ADAMTSL3: variants seen among roughly 807,000 people sequenced by gnomAD.
The protein encoded by ADAMTSL3 is ADAMTS like 3.
In ADAMTSL3, 128 loss-of-function variants were observed where a neutral mutation model predicts 201.7. That is an observed-to-expected ratio of 0.63 (90% CI 0.55 to 0.73). The LOEUF (loss-of-function observed/expected upper bound fraction) is 0.73, where lower values mean the gene tolerates loss of function less well. ADAMTSL3 is among the 30% of genes least tolerant of loss of function. The pLI, the probability that ADAMTSL3 is intolerant of heterozygous loss-of-function variation, is 0.00. For missense variants in ADAMTSL3, 1,990 were observed against 2,119.6 expected (o/e 0.94, Z 1.20); for synonymous variants, 738 against 748.4 (o/e 0.99, Z 0.23).
chr15:83,775,370 C>T (rs571925470), intron 4 of ADAMTSL3, among the ~76,000 whole-genome samples: 16 of 150,610 alleles, frequency 1.1e-4, no homozygotes, highest in Admixed American at 3.3e-4. Flanking sequence ...TACGTACTTG[C>T]GTTTGTTAAA....
intron 3 of ADAMTSL3, among the ~76,000 whole-genome samples, chr15:83,744,362 CTG>C (rs1463026734): frequency 3.9e-5 from 6 of 152,114 alleles, no homozygotes; most frequent in Non-Finnish European, 7.4e-5. Flanking sequence ...CATTCTCACT[CTG>C]TGTAAAGTAG....
chr15:83,804,679 A>G lies in ADAMTSL3; in HGVS notation c.347A>G (p.Lys116Arg). ...RNCEGQNIRY[K>R]TCSNHDCPPD... ...TGTGAAGGGCAGAACATTCGGTACA[A>G]GACATGCAGCAATCATGTAAGTCAT... The change falls in exon 5 of 30, where the codon AAG (lysine) becomes AGG (arginine). Residue 116 changes from lysine to arginine, a missense_variant. By Grantham distance (26) the Lys-to-Arg change is conservative (BLOSUM62 2). Coordinates refer to ENST00000286744, the MANE Select transcript of ADAMTSL3 (RefSeq NM_207517.3). 1 of 1,584,658 alleles carries G rather than the reference A, an allele frequency of 6.3e-7. No homozygotes were observed. Among genetic ancestry groups the G allele is most frequent in the Non-Finnish European group, 8.6e-7 (1 of 1,167,754 alleles).
chr15:83,852,789 C>T (rs144152319), intron 7 of ADAMTSL3, among the ~76,000 whole-genome samples: 296 of 152,156 alleles, frequency 1.9e-3, no homozygotes, highest in Admixed American at 3.9e-3. Context: ...TATTTTCCTT[C>T]GATTTTCTCA....
chr15:83,992,114 G>A (rs1490582370), intron 23 of ADAMTSL3, among the ~76,000 whole-genome samples: 1 of 152,178 alleles, frequency 6.6e-6, no homozygotes, highest in African/African-American at 2.4e-5. Flanking sequence ...CCTAAGATGA[G>A]TCTTGCCTAG....
intron 15 of ADAMTSL3, among the ~76,000 whole-genome samples, chr15:83,911,631 A>G (rs78036855): frequency 0.016 from 2,408 of 152,316 alleles, 61 homozygotes; most frequent in African/African-American, 0.051. Context: ...TTTCAACACA[A>G]TGAACAACAT....
At chr15:83,843,480 A>G (rs952669760) in intron 7 of ADAMTSL3, among the ~76,000 whole-genome samples, 3 of 152,152 alleles carry the variant, frequency 2.0e-5, no homozygotes, top group Non-Finnish European at 2.9e-5. Context: ...CATGTTTGTT[A>G]CAGCTCTGAA....
chr15:83,958,145 A>C (rs1182448808), intron 19 of ADAMTSL3, among the ~76,000 whole-genome samples: 2 of 152,358 alleles, frequency 1.3e-5, no homozygotes, highest in Admixed American at 1.3e-4. Context: ...AGACAGGGCC[A>C]AGAGTTGTGG....
intron 3 of ADAMTSL3, among the ~76,000 whole-genome samples, chr15:83,764,497 G>A (rs890964300): frequency 2.6e-5 from 4 of 152,110 alleles, no homozygotes; most frequent in Non-Finnish European, 5.9e-5. Context: ...ACTGCAGGGC[G>A]ACTGGAGAGA....
At chr15:83,916,704 G>A (rs963912581) in intron 16 of ADAMTSL3, among the ~76,000 whole-genome samples, 1 of 152,078 alleles carries the variant, frequency 6.6e-6, no homozygotes, top group Non-Finnish European at 1.5e-5. Flanking sequence ...CCAGACCTTT[G>A]GGAGGCTGAG....
At chr15:83,792,133 T>A (rs1217875703) in intron 4 of ADAMTSL3, among the ~76,000 whole-genome samples, 1 of 152,154 alleles carries the variant, frequency 6.6e-6, no homozygotes, top group Non-Finnish European at 1.5e-5. Flanking sequence ...GCCATGGGGT[T>A]AATATCCAAA....
At chr15:84,007,808 T>TA (rs1206188237) in intron 23 of ADAMTSL3, among the ~76,000 whole-genome samples, 4 of 151,942 alleles carry the variant, frequency 2.6e-5, no homozygotes, top group African/African-American at 9.7e-5. Context: ...AATCAGAGAG[T>TA]AAAAGGAAGG....
chr15:83,762,729 A>G (rs2062827405), intron 3 of ADAMTSL3, among the ~76,000 whole-genome samples: 1 of 152,200 alleles, frequency 6.6e-6, no homozygotes, highest in Admixed American at 6.5e-5. Context: ...ATAAATTTCC[A>G]GGGACACATT....
chr15:83,682,480 T>C (rs2061488701), intron 2 of ADAMTSL3, among the ~76,000 whole-genome samples: 1 of 152,224 alleles, frequency 6.6e-6, no homozygotes, highest in South Asian at 2.1e-4. Flanking sequence ...CTATTCCATG[T>C]CTTTTTATCC....
Position 83,805,556 on chromosome 15 carries a change from CA to C in ADAMTSL3, c.363+874del, listed in dbSNP as rs779366103. Among the ~76,000 whole-genome samples the C allele has an allele frequency of 1.0e-3, 124 of 124,024 alleles. 1 individual carries two copies. Among genetic ancestry groups the C allele is most frequent in the Admixed American group, 1.1e-3 (14 of 12,452 alleles). The allele number at this position is 124,024 out of a possible 152,430, so 81.4% of individuals were successfully genotyped here. On this transcript the variant is annotated intron_variant, in intron 5 of 29. Transcript: ENST00000286744. ...TGGGCAACAGAGTGAGACTCTGTCT[CA>C]AAAAAAAAAAAATAAATAAATAAAT...
intron 2 of ADAMTSL3, among the ~76,000 whole-genome samples, chr15:83,667,823 A>G (rs529901413): frequency 6.8e-6 from 1 of 147,744 alleles, no homozygotes; most frequent in East Asian, 2.2e-4. Flanking sequence ...CTACAGAGGG[A>G]GATTGGTGCA....
chr15:83,785,095 T>C (rs1438719874), intron 4 of ADAMTSL3, among the ~76,000 whole-genome samples: 1 of 152,200 alleles, frequency 6.6e-6, no homozygotes, highest in Non-Finnish European at 1.5e-5. Flanking sequence ...GAGATACATT[T>C]TGAGCTGTGC....
At chr15:83,763,178 A>C (rs144001116) in intron 3 of ADAMTSL3, among the ~76,000 whole-genome samples, 1 of 152,190 alleles carries the variant, frequency 6.6e-6, no homozygotes, top group African/African-American at 2.4e-5. Context: ...GGCATGAGCC[A>C]CCACACCTGG....
At chr15:83,977,874 A>G (rs1167793763) in intron 20 of ADAMTSL3, among the ~76,000 whole-genome samples, 1 of 152,194 alleles carries the variant, frequency 6.6e-6, no homozygotes, top group East Asian at 1.9e-4. Context: ...TTCAGAATCC[A>G]CCCACAGCAT....
chr15:83,875,464 G>A (rs959950826), intron 9 of ADAMTSL3, among the ~76,000 whole-genome samples: 2 of 152,214 alleles, frequency 1.3e-5, no homozygotes, highest in African/African-American at 4.8e-5. Context: ...CCTGCCACTA[G>A]CAAGGCAAAT....
Sources: allele counts gnomAD v4.1 joint callset (sites outside exome capture counted in the v4.1 genomes callset), GRCh38; gene constraint gnomAD v4.1.1; transcripts MANE v1.5; gene names NCBI Gene and HGNC (gene_info 2026-07-23, HGNC 2026-07-21).